COL8A1: variants seen among roughly 807,000 people sequenced by gnomAD.
The protein encoded by COL8A1 is collagen type VIII alpha 1 chain, also known as collagen alpha-1(VIII) chain.
Under a neutral mutation model 42.7 loss-of-function variants are expected in COL8A1, and 21 were observed. The observed-to-expected ratio is 0.49, with a 90% CI of 0.35 to 0.71. COL8A1 has a LOEUF of 0.71. COL8A1 is among the 30% of genes least tolerant of loss of function. COL8A1 has a pLI of 0.01. For synonymous variants in COL8A1, 367 were observed against 369.1 expected, an observed-to-expected ratio of 0.99 and a Z score of 0.06; for missense variants, 788 against 962.4, an observed-to-expected ratio of 0.82 and a Z score of 2.40.
At chr3:99,765,184 C>T (rs1167382887) in intron 2 of COL8A1, among the ~76,000 whole-genome samples, 1 of 152,150 alleles carries the variant, frequency 6.6e-6, no homozygotes. Flanking sequence ...ATGGTCTTGG[C>T]TATCAACATT....
chr3:99,697,282 G>A (rs924391065), intron 1 of COL8A1, among the ~76,000 whole-genome samples: 4 of 152,028 alleles, frequency 2.6e-5, no homozygotes, highest in Non-Finnish European at 4.4e-5. Flanking sequence ...CACCGCGCCC[G>A]GCACAAAATT....
chr3:99,748,867 G>A (rs1235973381), intron 2 of COL8A1, among the ~76,000 whole-genome samples: 1 of 152,186 alleles, frequency 6.6e-6, no homozygotes, highest in Non-Finnish European at 1.5e-5. Context: ...TTGAATACTT[G>A]AGAGACTTCG....
intron 1 of COL8A1, among the ~76,000 whole-genome samples, chr3:99,725,037 T>G (rs1940264452): frequency 6.6e-6 from 1 of 152,088 alleles, no homozygotes; most frequent in African/African-American, 2.4e-5. Flanking sequence ...AGTTAAAGTA[T>G]ACTTGACACA....
chr3:99,640,938 CT>C (rs1937495891), intron 1 of COL8A1, among the ~76,000 whole-genome samples: 1 of 152,096 alleles, frequency 6.6e-6, no homozygotes, highest in South Asian at 2.1e-4. Context: ...GGGAGGACTT[CT>C]TAATGTTTCT....
intron 2 of COL8A1, among the ~76,000 whole-genome samples, chr3:99,789,922 A>G (rs138157900): frequency 0.012 from 1,872 of 152,338 alleles, 21 homozygotes; most frequent in African/African-American, 0.028. Flanking sequence ...ATTTCATACT[A>G]TTACATGAAG....
chr3:99,687,525 C>T (rs934300330), intron 1 of COL8A1, among the ~76,000 whole-genome samples: 15 of 152,148 alleles, frequency 9.9e-5, no homozygotes, highest in Non-Finnish European at 2.2e-4. Flanking sequence ...GGAGCTATGC[C>T]TGGGCAGGAA....
intron 2 of COL8A1, among the ~76,000 whole-genome samples, chr3:99,773,243 G>C (rs1238279762): frequency 2.0e-5 from 3 of 152,314 alleles, no homozygotes; most frequent in East Asian, 3.9e-4. Flanking sequence ...CACAAAATAT[G>C]TGTTGTTTGA....
chr3:99,732,076 C>T (rs1276077854), intron 1 of COL8A1, among the ~76,000 whole-genome samples: 2 of 152,058 alleles, frequency 1.3e-5, no homozygotes, highest in Non-Finnish European at 2.9e-5. Context: ...ATCTTGATTT[C>T]GGACTTCCAG....
At chr3:99,718,279 T>G (rs1258770925) in intron 1 of COL8A1, among the ~76,000 whole-genome samples, 2 of 152,006 alleles carry the variant, frequency 1.3e-5, no homozygotes, top group Non-Finnish European at 2.9e-5. Flanking sequence ...GTACCATGGC[T>G]TAGGCTTACC....
intron 1 of COL8A1, among the ~76,000 whole-genome samples, chr3:99,663,237 C>G (rs1938261963): frequency 6.6e-6 from 1 of 152,178 alleles, no homozygotes; most frequent in Non-Finnish European, 1.5e-5. Flanking sequence ...GCAATCAGAG[C>G]TCACTGCAGC....
At chr3:99,732,116 A>G (rs948566020) in intron 1 of COL8A1, among the ~76,000 whole-genome samples, 5 of 152,086 alleles carry the variant, frequency 3.3e-5, no homozygotes, top group Admixed American at 2.6e-4. Flanking sequence ...GAGAGAATAT[A>G]TTTTTGTTGT....
intron 1 of COL8A1, among the ~76,000 whole-genome samples, chr3:99,715,685 T>C (rs190683217): frequency 7.5e-4 from 114 of 152,166 alleles, no homozygotes; most frequent in African/African-American, 2.5e-3. Context: ...CTACATAAGC[T>C]GTCAGCAAAG....
Position 99,723,276 on chromosome 3 carries a change from T to A in COL8A1, c.-128-21621T>A, listed in dbSNP as rs115526205. On this transcript the variant is annotated intron_variant, in intron 1 of 3. Coordinates refer to ENST00000652472, the MANE Select transcript of COL8A1 (RefSeq NM_020351.4). The stretch of plus-strand genomic sequence containing the variant: ...GATTCCTGGAGAGGTTTTCAAATTC[T>A]CTATCTGAATGTACTTAAAAGAAGA... 4.1e-3 allele frequency among the ~76,000 whole-genome samples: 627 copies of A among 152,206 alleles called. 8 individuals are homozygous for A. Among genetic ancestry groups the A allele is most frequent in the African/African-American group, 0.014 (590 of 41,562 alleles).
At chr3:99,713,803 A>G (rs1166337793) in intron 1 of COL8A1, among the ~76,000 whole-genome samples, 1 of 152,146 alleles carries the variant, frequency 6.6e-6, no homozygotes, top group African/African-American at 2.4e-5. Flanking sequence ...AAATACAATT[A>G]AAACAAATTT....
chr3:99,774,681 T>C (rs1941657543), intron 2 of COL8A1, among the ~76,000 whole-genome samples: 2 of 152,058 alleles, frequency 1.3e-5, no homozygotes. Flanking sequence ...TTCACAGAGA[T>C]TGAAACTGAC....
chr3:99,686,014 A>C (rs71313563), intron 1 of COL8A1, among the ~76,000 whole-genome samples: 14,702 of 152,220 alleles, frequency 0.097, 865 homozygotes, highest in Middle Eastern at 0.12. Flanking sequence ...AAAATCTCCT[A>C]GAGGTAGCTA....
chr3:99,748,639 C>T (rs1941079440), intron 2 of COL8A1, among the ~76,000 whole-genome samples: 1 of 152,160 alleles, frequency 6.6e-6, no homozygotes, highest in Non-Finnish European at 1.5e-5. Context: ...TTCCACTGTT[C>T]AGAGCCCACA....
chr3:99,730,603 T>TG (rs1431954777), intron 1 of COL8A1, among the ~76,000 whole-genome samples: 7 of 152,070 alleles, frequency 4.6e-5, no homozygotes. Context: ...ATGAAACACT[T>TG]TTTTCAACAC....
At chr3:99,734,164 T>C (rs1414066104) in intron 1 of COL8A1, among the ~76,000 whole-genome samples, 1 of 149,952 alleles carries the variant, frequency 6.7e-6, no homozygotes, top group East Asian at 1.9e-4. Context: ...TTAGATCCCA[T>C]TTGTCAATTT....
Sources: gnomAD v4.1 joint callset for allele counts (sites outside exome capture counted in the v4.1 genomes callset) on GRCh38, gnomAD v4.1.1 for gene constraint, MANE v1.5 for transcripts, NCBI Gene and HGNC (gene_info 2026-07-23, HGNC 2026-07-21) for gene names.